The following ZBTB45 variants were observed in gnomAD, a reference collection of about 807,000 sequenced individuals.
ZBTB45 encodes the protein zinc finger and BTB domain-containing protein 45.
Under a neutral mutation model 28.4 loss-of-function variants are expected in ZBTB45, and 22 were observed. That is an observed-to-expected ratio of 0.77 (90% CI 0.55 to 1.10). ZBTB45 has a LOEUF of 1.10. Among genes scored for constraint, ZBTB45 ranks in the 50% least tolerant of loss-of-function variants. The pLI, the probability that ZBTB45 is intolerant of heterozygous loss-of-function variation, is 0.00. For missense variants in ZBTB45, 656 were observed against 750.2 expected (o/e 0.87, Z 1.47); for synonymous variants, 361 against 332.3 (o/e 1.09, Z -0.94).
At chr19:58,534,923 T>C (rs2053652979) in intron 1 of ZBTB45, among the ~76,000 whole-genome samples, 1 of 151,186 alleles carries the variant, frequency 6.6e-6, no homozygotes, top group Admixed American at 6.6e-5. Context: ...GGCATGATTT[T>C]TGGCTCACTA....
rs2053490187 is a variant in ZBTB45, at chr19:58,516,172, G to A, written c.1279+223C>T. ...GGACAGGCTCCTGCTTCCCTACCCA[G>A]CCTCAGGATCCCCCTCCACAGAAGC... On this transcript the variant is annotated intron_variant, in intron 2 of 2. Transcript: ENST00000594051. The surrounding 1 kb of genome is among the most constrained non-coding windows in gnomAD (Gnocchi z 6.2). Among the ~76,000 whole-genome samples, 2 of 152,070 alleles carry A rather than the reference G, an allele frequency of 1.3e-5. No homozygotes were observed. The highest frequency in any genetic ancestry group is 2.9e-5 in the Non-Finnish European group (2 of 68,008).
chr19:58,533,863 C>T (rs575053554), intron 1 of ZBTB45, among the ~76,000 whole-genome samples: 5 of 152,184 alleles, frequency 3.3e-5, no homozygotes, highest in Non-Finnish European at 7.3e-5. Context: ...AGGGAGAATG[C>T]AGTCAAGAGA....
At chr19:58,528,336 T>C (rs2053618339) in intron 1 of ZBTB45, among the ~76,000 whole-genome samples, 1 of 152,098 alleles carries the variant, frequency 6.6e-6, no homozygotes. Flanking sequence ...GTGTTGTTTG[T>C]TGGTGCGCTC....
upstream of ZBTB45, among the ~76,000 whole-genome samples, chr19:58,522,264 C>T (rs112364019): frequency 2.0e-5 from 3 of 151,672 alleles, no homozygotes; most frequent in Admixed American, 6.6e-5. Flanking sequence ...CAGGTTCAAG[C>T]GATTCTCCTG....
Position 58,517,660 on chromosome 19 carries a change from T to A in ZBTB45, c.14A>T (p.Glu5Val). 1 of 1,612,982 alleles carries A rather than the reference T, an allele frequency of 6.2e-7. No homozygotes were observed. Among genetic ancestry groups the A allele is most frequent in the Non-Finnish European group, 8.5e-7 (1 of 1,179,388 alleles). Residue 5 changes from glutamate (E) to valine (V), a missense_variant, in exon 2 of 3, where the codon GAG becomes GTG. Physicochemically the swap from Glu to Val is moderately radical, Grantham distance 121. Around this residue, in one of 3 missense-constraint regions of ZBTB45, gnomAD observed 105 missense variants for 152.4 expected, o/e 0.69. Transcript: ENST00000594051. MAAA[E>V]AVHHIHLQNF... is the part of the protein sequence containing the mutation. ...CTGCAGGTGTATGTGATGCACAGCC[T>A]CTGCAGCCGCCATCTGCACAGAACA...
intron 1 of ZBTB45, among the ~76,000 whole-genome samples, chr19:58,529,819 G>GT (rs1346012325): frequency 3.3e-5 from 5 of 152,020 alleles, no homozygotes; most frequent in Admixed American, 1.3e-4. Flanking sequence ...TGTGAGTTTT[G>GT]TATCTGACTT....
upstream of ZBTB45, among the ~76,000 whole-genome samples, chr19:58,521,386 AAAGAAAG>A (rs2053577796): frequency 3.2e-5 from 3 of 92,946 alleles, no homozygotes; most frequent in Non-Finnish European, 7.7e-5. Flanking sequence ...AAAAAAAAAG[AAAGAAAG>A]AAAAGAAAAC....
chr19:58,531,316 G>A (rs1411543410), intron 1 of ZBTB45, among the ~76,000 whole-genome samples: 3 of 152,200 alleles, frequency 2.0e-5, no homozygotes, highest in African/African-American at 7.2e-5. Flanking sequence ...TTGTATTGAT[G>A]TCTAATCTAT....
chr19:58,516,820 T>C lies in ZBTB45; in HGVS notation c.854A>G (p.Asp285Gly), dbSNP rs1383530803. Residue 285 changes from aspartate to glycine, a missense_variant, in exon 2 of 3, where the codon GAC becomes GGC. By Grantham distance (94) the Asp-to-Gly change is moderately conservative. This residue lies in a region of ZBTB45 where 448 missense variants were observed against 444.3 expected (regional missense o/e 1.01). Transcript: ENST00000594051. This position sits in a 1 kb window ranked among gnomAD's most constrained non-coding sequence, Gnocchi z 6.2. Reference sequence around the variant, plus strand: ...GTCGTGCCAAGTGGATACATAGCTGTCTGGAAATACGTCCTCAGCTGACCC... The same window carrying C: ...GTCGTGCCAAGTGGATACATAGCTGCCTGGAAATACGTCCTCAGCTGACCC... ...GAGSAEDVFP[D>G]SYVSTWHDED... 1.2e-6 allele frequency: 2 copies of C among 1,613,658 alleles called. No individual in the cohort carries two copies. Among genetic ancestry groups the C allele is most frequent in the South Asian group, 2.2e-5 (2 of 91,080 alleles).
intron 2 of ZBTB45, among the ~76,000 whole-genome samples, chr19:58,514,534 G>A (rs1015322389): frequency 6.6e-6 from 1 of 152,050 alleles, no homozygotes; most frequent in African/African-American, 2.4e-5. Flanking sequence ...TTCACGTTGG[G>A]ACTTTCCTGC....
At chr19:58,518,782 A>G (rs546558139) in intron 1 of ZBTB45, among the ~76,000 whole-genome samples, 1 of 152,056 alleles carries the variant, frequency 6.6e-6, no homozygotes, top group South Asian at 2.1e-4. Context: ...CTAAGGGAGG[A>G]GGGTAGGAGC....
intron 1 of ZBTB45, among the ~76,000 whole-genome samples, chr19:58,526,528 T>A (rs12975849): frequency 0.12 from 13,595 of 117,178 alleles, 1,701 homozygotes; most frequent in African/African-American, 0.34. Flanking sequence ...TATTATTATT[T>A]TTTTTTTTTT....
At chr19:58,528,200 G>C (rs2053617514) in intron 1 of ZBTB45, among the ~76,000 whole-genome samples, 1 of 149,006 alleles carries the variant, frequency 6.7e-6, no homozygotes, top group South Asian at 2.1e-4. Flanking sequence ...GAGGCCCTGG[G>C]TACCACATAG....
chr19:58,516,382 C>A lies in ZBTB45; in HGVS notation c.1279+13G>T, dbSNP rs145315487. On this transcript the variant is annotated intron_variant, in intron 2 of 2. Transcript: ENST00000594051. This position sits in a 1 kb window ranked among gnomAD's most constrained non-coding sequence, Gnocchi z 6.2. ...TGAGAGATTGCTCCCTCTCCTCCCC[C>A]GCCCTGGCTCACCCGAGTGGATGAA... is the stretch of plus-strand genomic sequence containing the variant. 3.7e-6 allele frequency: 6 copies of A among 1,613,746 alleles called. No homozygotes were observed. Among genetic ancestry groups the A allele is most frequent in the Admixed American group, 1.7e-5 (1 of 59,982 alleles).
intron 1 of ZBTB45, 56 bp from the exon 2 acceptor site, chr19:58,517,729 C>G: frequency 6.6e-7 from 1 of 1,518,766 alleles, no homozygotes; most frequent in East Asian, 2.3e-5. Flanking sequence ...CCATCTGTCC[C>G]AACGTCCCTG....
At chr19:58,518,503 A>G (rs1057138164) in intron 1 of ZBTB45, among the ~76,000 whole-genome samples, 1 of 152,050 alleles carries the variant, frequency 6.6e-6, no homozygotes. Context: ...TGTGGGGCCC[A>G]GGGTGTGGGT....
In ZBTB45 at chr19:58,513,957, G is replaced by T; in HGVS notation, c.*97C>A. Reference sequence around the variant, plus strand: ...AGAGGACCTGCGCTCAGGAGGGAGCGTGGTCTAGTGGCGGGAACCACGGGT... The same window carrying T: ...AGAGGACCTGCGCTCAGGAGGGAGCTTGGTCTAGTGGCGGGAACCACGGGT... On this transcript the variant is annotated 3_prime_UTR_variant, in exon 3 of 3. Transcript: ENST00000594051. 7.6e-7 allele frequency: 1 copy of T among 1,309,748 alleles called. No individual in the cohort carries two copies. The allele number at this position is 1,309,748 out of a possible 1,614,324, so 81.1% of individuals were successfully genotyped here. A position where few individuals can be genotyped will look rare whatever the true frequency, so the allele number is the denominator to read the frequency against.
chr19:58,535,518 C>A (rs1054230101), intron 1 of ZBTB45, among the ~76,000 whole-genome samples: 1 of 151,764 alleles, frequency 6.6e-6, no homozygotes, highest in African/African-American at 2.4e-5. Context: ...GCCTGTAATC[C>A]CAGCTACTCA....
At chr19:58,526,525 ATTTTTTT>A (rs71293931) in intron 1 of ZBTB45, among the ~76,000 whole-genome samples, 2 of 131,010 alleles carry the variant, frequency 1.5e-5, no homozygotes, top group Admixed American at 7.8e-5. Context: ...TATTATTATT[ATTTTTTT>A]TTTTTTTTTT....
Sources: allele counts gnomAD v4.1 joint callset (sites outside exome capture counted in the v4.1 genomes callset), GRCh38; gene constraint gnomAD v4.1.1; regional missense constraint gnomAD v4.1.1; non-coding constraint Gnocchi (gnomAD v3.1); transcripts MANE v1.5; gene names NCBI Gene and HGNC (gene_info 2026-07-23, HGNC 2026-07-21).